Variants in CNTNAP2 observed in about 807,000 individuals in gnomAD.
CNTNAP2 encodes contactin-associated protein-like 2.
Under a neutral mutation model 155.2 loss-of-function variants are expected in CNTNAP2, and 98 were observed. That is an observed-to-expected ratio of 0.63 (90% CI 0.54 to 0.75). CNTNAP2 has a LOEUF of 0.75. CNTNAP2 is among the 30% of genes least tolerant of loss of function. CNTNAP2 has a pLI of 0.00. For missense variants in CNTNAP2, 1,727 were observed against 1,688.1 expected (o/e 1.02, Z -0.40); for synonymous variants, 651 against 631.2 (o/e 1.03, Z -0.47).
At chr7:147,956,766 C>T (rs1046871432) in intron 14 of CNTNAP2, among the ~76,000 whole-genome samples, 1 of 152,152 alleles carries the variant, frequency 6.6e-6, no homozygotes, top group Non-Finnish European at 1.5e-5. Context: ...TTTAATTCTA[C>T]TTAGATTGAT....
intron 10 of CNTNAP2, among the ~76,000 whole-genome samples, chr7:147,435,184 A>G (rs1797530653): frequency 6.6e-6 from 1 of 152,204 alleles, no homozygotes; most frequent in South Asian, 2.1e-4. Flanking sequence ...TGCTCAGAAA[A>G]GGCAGAGTCC....
Position 146,911,662 on chromosome 7 carries a change from G to A in CNTNAP2, c.402+71758G>A, listed in dbSNP as rs562188277. On this transcript the variant is annotated intron_variant, in intron 3 of 23. Coordinates refer to ENST00000361727, the MANE Select transcript of CNTNAP2 (RefSeq NM_014141.6). ...CACACTCTGGGGACTGTGGTGGGGTGGGGGGAGGGGGGAGGGATAGCATTT... is the reference window on the plus strand; with the variant it reads ...CACACTCTGGGGACTGTGGTGGGGTAGGGGGAGGGGGGAGGGATAGCATTT... 4.9e-5 allele frequency among the ~76,000 whole-genome samples: 6 copies of A among 123,622 alleles called. No homozygotes were observed. The South Asian group carries it at 2.0e-3, about 40-fold the overall frequency. The allele number at this position is 123,622 out of a possible 152,430, so 81.1% of individuals were successfully genotyped here.
chr7:146,137,729 G>A (rs1797818289), intron 1 of CNTNAP2, among the ~76,000 whole-genome samples: 1 of 151,634 alleles, frequency 6.6e-6, no homozygotes, highest in African/African-American at 2.4e-5. Context: ...ATAGTAATTT[G>A]CCAAGAGATA....
chr7:147,492,095 T>C (rs12703921), intron 11 of CNTNAP2, among the ~76,000 whole-genome samples: 24,978 of 152,150 alleles, frequency 0.16, 2,699 homozygotes, highest in Non-Finnish European at 0.24. Flanking sequence ...GGGGCCAGGT[T>C]CATAGGAGAC....
intron 8 of CNTNAP2, among the ~76,000 whole-genome samples, chr7:147,144,275 T>G (rs1388522868): frequency 6.6e-6 from 1 of 152,174 alleles, no homozygotes; most frequent in Admixed American, 6.6e-5. Flanking sequence ...TAGAGTAACT[T>G]TATACGAGAC....
chr7:147,045,438 T>C (rs1476108397), intron 4 of CNTNAP2, among the ~76,000 whole-genome samples: 4 of 152,198 alleles, frequency 2.6e-5, no homozygotes, highest in Admixed American at 6.5e-5. Flanking sequence ...TCATAGGCAA[T>C]AGTGTTATGT....
At chr7:147,228,868 C>T (rs1377432084) in intron 8 of CNTNAP2, among the ~76,000 whole-genome samples, 2 of 151,840 alleles carry the variant, frequency 1.3e-5, no homozygotes, top group African/African-American at 2.4e-5. Flanking sequence ...CATGTGTTCT[C>T]ATTGTTCAAC....
intron 9 of CNTNAP2, among the ~76,000 whole-genome samples, chr7:147,389,610 A>G (rs1449432281): frequency 6.6e-6 from 1 of 152,222 alleles, no homozygotes; most frequent in Non-Finnish European, 1.5e-5. Flanking sequence ...TGAAGTTTTT[A>G]TATGCAAGTC....
At chr7:147,899,352 A>C (rs1424713463) in intron 13 of CNTNAP2, among the ~76,000 whole-genome samples, 2 of 152,112 alleles carry the variant, frequency 1.3e-5, no homozygotes, top group African/African-American at 4.8e-5. Flanking sequence ...AAAAATAAAT[A>C]AAATATAAAG....
intron 1 of CNTNAP2, among the ~76,000 whole-genome samples, chr7:146,731,763 A>G (rs990661360): frequency 6.6e-6 from 1 of 152,176 alleles, no homozygotes; most frequent in African/African-American, 2.4e-5. Flanking sequence ...ACACATTCCA[A>G]AATTCCTTTA....
intron 8 of CNTNAP2, among the ~76,000 whole-genome samples, chr7:147,227,570 A>C (rs1302434542): frequency 1.3e-5 from 2 of 152,212 alleles, no homozygotes; most frequent in African/African-American, 4.8e-5. Context: ...ACGTGTTAAC[A>C]GATGGACGAA....
intron 21 of CNTNAP2, among the ~76,000 whole-genome samples, chr7:148,301,481 C>G (rs1797391521): frequency 6.6e-6 from 1 of 151,876 alleles, no homozygotes; most frequent in Non-Finnish European, 1.5e-5. Context: ...CTCTGCAAGT[C>G]TGTGTGTCTA....
intron 23 of CNTNAP2, among the ~76,000 whole-genome samples, chr7:148,412,379 T>G (rs1799862588): frequency 6.6e-6 from 1 of 152,272 alleles, no homozygotes; most frequent in Non-Finnish European, 1.5e-5. Flanking sequence ...ATATTTAGTA[T>G]TTCTATCTTT....
chr7:148,326,851 C>G (rs1435134253), intron 21 of CNTNAP2, among the ~76,000 whole-genome samples: 1 of 135,074 alleles, frequency 7.4e-6, no homozygotes, highest in African/African-American at 2.9e-5. Flanking sequence ...AGCGACAGAG[C>G]GAGACCCCGT....
chr7:146,934,542 T>C (rs555159829), intron 3 of CNTNAP2, among the ~76,000 whole-genome samples: 1 of 152,116 alleles, frequency 6.6e-6, no homozygotes, highest in East Asian at 1.9e-4. Context: ...GGCACATGTA[T>C]ACATATGTAA....
intron 12 of CNTNAP2, among the ~76,000 whole-genome samples, chr7:147,568,843 A>T (rs574522581): frequency 7.2e-5 from 11 of 152,296 alleles, no homozygotes; most frequent in Non-Finnish European, 1.3e-4. Flanking sequence ...AACAATAGTA[A>T]ATAATGCTCG....
intron 9 of CNTNAP2, among the ~76,000 whole-genome samples, chr7:147,383,237 A>G (rs1212189582): frequency 6.6e-6 from 1 of 152,154 alleles, no homozygotes. Context: ...TTTCTTCATA[A>G]AAATTAATGC....
chr7:147,428,326 T>C (rs1797413788), intron 10 of CNTNAP2, among the ~76,000 whole-genome samples: 1 of 152,108 alleles, frequency 6.6e-6, no homozygotes, highest in Non-Finnish European at 1.5e-5. Context: ...CAGCCTTTTT[T>C]TTCAGTTAGT....
chr7:148,358,501 T>C (rs1257292584), intron 21 of CNTNAP2, among the ~76,000 whole-genome samples: 1 of 152,174 alleles, frequency 6.6e-6, no homozygotes, highest in Non-Finnish European at 1.5e-5. Context: ...GGCCTGCCTG[T>C]TCACCCGCTG....
Sources: gnomAD v4.1 joint callset for allele counts (sites outside exome capture counted in the v4.1 genomes callset) on GRCh38, gnomAD v4.1.1 for gene constraint, MANE v1.5 for transcripts, NCBI Gene and HGNC (gene_info 2026-07-23, HGNC 2026-07-21) for gene names.